The following RBFOX1 variants were observed in gnomAD, a reference collection of about 807,000 sequenced individuals.
RBFOX1 encodes RNA binding fox-1 homolog 1, also known as RNA binding protein fox-1 homolog 1.
A neutral mutation model predicts 57.7 loss-of-function variants in RBFOX1; 8 were observed. The ratio of observed to expected loss-of-function variants is 0.14; its 90% CI spans 0.08 to 0.25. The LOEUF is 0.25. RBFOX1 is among the 10% of genes least tolerant of loss of function. RBFOX1 has a pLI of 1.00. For missense variants in RBFOX1, 611 were observed against 548.5 expected (o/e 1.11, Z -1.14); for synonymous variants, 326 against 222.4 (o/e 1.47, Z -4.15).
At chr16:6,043,989 C>G (rs1452459886) in intron 1 of RBFOX1, among the ~76,000 whole-genome samples, 1 of 152,118 alleles carries the variant, frequency 6.6e-6, no homozygotes, top group Non-Finnish European at 1.5e-5. Context: ...GCTACTAATT[C>G]TAGGTTGCTG....
chr16:7,365,099 A>G (rs72771107), intron 4 of RBFOX1, among the ~76,000 whole-genome samples: 3 of 152,240 alleles, frequency 2.0e-5, no homozygotes, highest in Non-Finnish European at 2.9e-5. Flanking sequence ...CCATCCATCT[A>G]TCCATCCCAA....
At chr16:5,519,045 T>C (rs560919424) in intron 2 of RBFOX1, among the ~76,000 whole-genome samples, 140 of 152,256 alleles carry the variant, frequency 9.2e-4, no homozygotes, top group African/African-American at 2.8e-3. Flanking sequence ...GAAGGAGAAC[T>C]GTGTGGCACA....
intron 3 of RBFOX1, among the ~76,000 whole-genome samples, chr16:7,035,046 C>T (rs949696117): frequency 2.0e-5 from 3 of 151,320 alleles, no homozygotes; most frequent in Non-Finnish European, 2.9e-5. Flanking sequence ...CAGGGTTTTA[C>T]ATTGTTGGCC....
At chr16:6,071,236 G>A (rs768892564) in intron 1 of RBFOX1, among the ~76,000 whole-genome samples, 9 of 152,148 alleles carry the variant, frequency 5.9e-5, no homozygotes, top group Non-Finnish European at 7.3e-5. Context: ...TGGGAGGATC[G>A]TTTGAGCCCA....
chr16:6,819,843 C>T (rs973204100), intron 3 of RBFOX1, among the ~76,000 whole-genome samples: 2 of 151,970 alleles, frequency 1.3e-5, no homozygotes, highest in African/African-American at 4.8e-5. Flanking sequence ...TTGAATCCAG[C>T]CCTCTGATTC....
Position 7,088,049 on chromosome 16 carries a change from G to C in RBFOX1, c.27+35951G>C, listed in dbSNP as rs544129791. On this transcript the variant is annotated intron_variant, in intron 4 of 15. Coordinates refer to ENST00000550418, the MANE Select transcript of RBFOX1 (RefSeq NM_018723.4). Reference sequence around the variant, plus strand: ...TATAGTACATGTGCTCGCATTTCCAGTGGGAGTTCAGGCAAGACCTGGTTC... The same window carrying C: ...TATAGTACATGTGCTCGCATTTCCACTGGGAGTTCAGGCAAGACCTGGTTC... 7.9e-5 allele frequency among the ~76,000 whole-genome samples: 12 copies of C among 152,322 alleles called. No homozygotes were observed. The East Asian group carries it at 2.1e-3, about 27-fold the overall frequency.
At chr16:6,926,187 A>G (rs1460213385) in intron 3 of RBFOX1, among the ~76,000 whole-genome samples, 1 of 152,108 alleles carries the variant, frequency 6.6e-6, no homozygotes, top group East Asian at 1.9e-4. Context: ...TGCATCTGTA[A>G]TCTCAGCTAA....
intron 4 of RBFOX1, among the ~76,000 whole-genome samples, chr16:5,936,874 C>T (rs1249558830): frequency 6.6e-6 from 1 of 152,194 alleles, no homozygotes; most frequent in East Asian, 1.9e-4. Flanking sequence ...AAAGATCTCA[C>T]AGAGGGCTTT....
chr16:6,635,136 T>C (rs184541621), intron 2 of RBFOX1, among the ~76,000 whole-genome samples: 13 of 145,756 alleles, frequency 8.9e-5, no homozygotes, highest in African/African-American at 3.3e-4. Context: ...TTATGTATTA[T>C]ATTAAATGTA....
intron 3 of RBFOX1, among the ~76,000 whole-genome samples, chr16:6,798,900 A>G (rs1361832970): frequency 6.6e-6 from 1 of 152,184 alleles, no homozygotes. Flanking sequence ...AGAGGTTTAG[A>G]GAAAAAAAAT....
chr16:7,327,147 G>A (rs1470547969), intron 4 of RBFOX1, among the ~76,000 whole-genome samples: 1 of 152,162 alleles, frequency 6.6e-6, no homozygotes, highest in Non-Finnish European at 1.5e-5. Context: ...GGACAACTTT[G>A]CAGAAGCTGT....
intron 2 of RBFOX1, among the ~76,000 whole-genome samples, chr16:6,480,854 T>A (rs74005231): frequency 0.024 from 3,603 of 152,302 alleles, 118 homozygotes; most frequent in African/African-American, 0.071. Context: ...ATGGAGGTAT[T>A]CATATGTGGC....
chr16:6,645,550 G>A (rs1193332194), intron 2 of RBFOX1, among the ~76,000 whole-genome samples: 1 of 152,122 alleles, frequency 6.6e-6, no homozygotes, highest in East Asian at 1.9e-4. Flanking sequence ...AACACACCAA[G>A]TGTAGAAGAA....
At chr16:6,530,757 C>CT (rs2096646594) in intron 2 of RBFOX1, among the ~76,000 whole-genome samples, 3 of 151,392 alleles carry the variant, frequency 2.0e-5, no homozygotes, top group African/African-American at 2.4e-5. Flanking sequence ...CGTCCCTTCC[C>CT]CACCCCCATC....
At chr16:5,365,391 G>T (rs948428121) in intron 1 of RBFOX1, among the ~76,000 whole-genome samples, 2 of 152,180 alleles carry the variant, frequency 1.3e-5, no homozygotes, top group Non-Finnish European at 2.9e-5. Flanking sequence ...TTACCGGCTA[G>T]GCACAGTGTC....
At chr16:5,693,315 G>C (rs772073962) in intron 3 of RBFOX1, among the ~76,000 whole-genome samples, 6 of 150,380 alleles carry the variant, frequency 4.0e-5, no homozygotes, top group Non-Finnish European at 5.9e-5. Flanking sequence ...AAAATAAAAT[G>C]ATTTTTAGTT....
At chr16:6,751,623 G>A (rs2074944741) in intron 3 of RBFOX1, among the ~76,000 whole-genome samples, 1 of 152,138 alleles carries the variant, frequency 6.6e-6, no homozygotes, top group African/African-American at 2.4e-5. Context: ...GTCTTAGACT[G>A]CATGAAATGT....
At chr16:5,262,617 T>C (rs1231443623) in intron 1 of RBFOX1, among the ~76,000 whole-genome samples, 1 of 152,162 alleles carries the variant, frequency 6.6e-6, no homozygotes, top group Non-Finnish European at 1.5e-5. Flanking sequence ...AATCTGTCTC[T>C]CTCTAGGTGT....
chr16:6,962,838 C>G (rs58000749), intron 3 of RBFOX1, among the ~76,000 whole-genome samples: 10 of 143,798 alleles, frequency 7.0e-5, no homozygotes, highest in African/African-American at 2.5e-4. Context: ...GCACTCCAGC[C>G]TGGGCGGCAG....
Sources: gnomAD v4.1 joint callset for allele counts (sites outside exome capture counted in the v4.1 genomes callset) on GRCh38, gnomAD v4.1.1 for gene constraint, MANE v1.5 for transcripts, NCBI Gene and HGNC (gene_info 2026-07-23, HGNC 2026-07-21) for gene names.